SEMA3D: variants seen among roughly 807,000 people sequenced by gnomAD.
SEMA3D encodes the protein semaphorin-3D.
In SEMA3D, 84 loss-of-function variants were observed where a neutral mutation model predicts 100.1. The ratio of observed to expected loss-of-function variants is 0.84; its 90% CI spans 0.70 to 1.01. The LOEUF (loss-of-function observed/expected upper bound fraction) is 1.01, where lower values mean the gene tolerates loss of function less well. SEMA3D is among the 50% of genes least tolerant of loss of function. The probability of loss-of-function intolerance (pLI) is 0.00; values close to 1 mark genes in which losing one functional copy is unlikely to be tolerated. For synonymous variants in SEMA3D, 312 were observed against 320.7 expected (o/e 0.97, Z 0.29); for missense variants, 875 against 934.1 (o/e 0.94, Z 0.82).
At chr7:85,061,554 C>A (rs1562801530) in intron 8 of SEMA3D, among the ~76,000 whole-genome samples, 1 of 152,140 alleles carries the variant, frequency 6.6e-6, no homozygotes, top group Non-Finnish European at 1.5e-5. Context: ...CATCTGTATT[C>A]TCTCCCCTCC....
the SEMA3D span, among the ~76,000 whole-genome samples, chr7:85,223,924 A>G: frequency 1.3e-5 from 2 of 152,128 alleles, no homozygotes; most frequent in African/African-American, 2.4e-5. Flanking sequence ...CTAAGAAATA[A>G]TGCAAAGAAA....
At chr7:85,235,127 T>C in the SEMA3D span, among the ~76,000 whole-genome samples, 1 of 152,176 alleles carries the variant, frequency 6.6e-6, no homozygotes, top group Admixed American at 6.5e-5. Context: ...AAGAGAATAA[T>C]AGTGTTGGTG....
the SEMA3D span, among the ~76,000 whole-genome samples, chr7:85,237,100 A>T: frequency 6.6e-6 from 1 of 152,208 alleles, no homozygotes; most frequent in Non-Finnish European, 1.5e-5. Flanking sequence ...CTCATAATTA[A>T]GGGATTGAAT....
the SEMA3D span, among the ~76,000 whole-genome samples, chr7:85,202,562 A>G: frequency 3.9e-5 from 6 of 152,166 alleles, no homozygotes; most frequent in South Asian, 1.2e-3. Flanking sequence ...GCAACCTACA[A>G]AATGGGAGAA....
chr7:85,165,288 A>C (rs199659468), intron 1 of SEMA3D, among the ~76,000 whole-genome samples: 27,801 of 149,704 alleles, frequency 0.19, 2,751 homozygotes, highest in Non-Finnish European at 0.24. Context: ...AAAAAAAAAA[A>C]CTTCTAGAGT....
chr7:85,122,366 G>C (rs1327092848), intron 2 of SEMA3D, among the ~76,000 whole-genome samples: 1 of 152,066 alleles, frequency 6.6e-6, no homozygotes, highest in African/African-American at 2.4e-5. Flanking sequence ...AAATGAATCA[G>C]AACTGGGGAA....
intron 15 of SEMA3D, among the ~76,000 whole-genome samples, chr7:85,016,304 A>G (rs75309671): frequency 0.057 from 3,268 of 57,534 alleles, 133 homozygotes; most frequent in African/African-American, 0.17. Context: ...TGCTTTATTT[A>G]TTTACCTTTT....
the SEMA3D span, among the ~76,000 whole-genome samples, chr7:85,223,020 G>C: frequency 1.3e-5 from 2 of 151,968 alleles, no homozygotes; most frequent in African/African-American, 4.8e-5. Context: ...CCCAAAAGAA[G>C]ATATACAAAT....
chr7:85,062,333 G>A (rs1452571856), intron 8 of SEMA3D, among the ~76,000 whole-genome samples: 1 of 152,174 alleles, frequency 6.6e-6, no homozygotes, highest in African/African-American at 2.4e-5. Flanking sequence ...GGGGAGATCA[G>A]TTAGTAAACA....
chr7:85,040,844 C>T (rs374508991), intron 10 of SEMA3D, 102 bp from the exon 11 acceptor site: 58 of 629,434 alleles, frequency 9.2e-5, no homozygotes, highest in East Asian at 7.5e-4. Flanking sequence ...ACAGTTTATA[C>T]GATTAACAGA....
the SEMA3D span, among the ~76,000 whole-genome samples, chr7:85,217,444 T>C: frequency 6.6e-6 from 1 of 152,108 alleles, no homozygotes; most frequent in East Asian, 1.9e-4. Flanking sequence ...AAAACAGAGA[T>C]GGGAGAGTAT....
intron 12 of SEMA3D, chr7:85,028,253 T>C: frequency 1.4e-6 from 1 of 694,070 alleles, no homozygotes; most frequent in Non-Finnish European, 2.6e-6. Flanking sequence ...ACCAATGCTG[T>C]GGTCACAGTG....
At chr7:85,225,050 TTATA>T in the SEMA3D span, among the ~76,000 whole-genome samples, 958 of 76,264 alleles carry the variant, frequency 0.013, 3 homozygotes, top group East Asian at 0.022. Context: ...TGATTTTCTT[TTATA>T]TATATATATA....
At chr7:85,077,250 T>C (rs1049198218) in intron 5 of SEMA3D, among the ~76,000 whole-genome samples, 5 of 151,974 alleles carry the variant, frequency 3.3e-5, no homozygotes, top group African/African-American at 4.8e-5. Flanking sequence ...TCAGTTACGG[T>C]AAAAGTGCAA....
intron 9 of SEMA3D, among the ~76,000 whole-genome samples, chr7:85,049,314 G>A (rs760211125): frequency 3.0e-4 from 46 of 151,540 alleles, no homozygotes; most frequent in East Asian, 7.7e-4. Flanking sequence ...GTGATTTGCC[G>A]TTAATGACTA....
chr7:85,027,411 G>T (rs1435497341), intron 12 of SEMA3D, among the ~76,000 whole-genome samples: 2 of 151,972 alleles, frequency 1.3e-5, no homozygotes, highest in East Asian at 3.9e-4. Flanking sequence ...ATTTGCCATT[G>T]ATTTTCTCCA....
chr7:85,239,659 C>A, the SEMA3D span, among the ~76,000 whole-genome samples: 1 of 152,158 alleles, frequency 6.6e-6, no homozygotes, highest in Non-Finnish European at 1.5e-5. Flanking sequence ...TATGCTGGAA[C>A]TGTACTCACA....
upstream of SEMA3D, among the ~76,000 whole-genome samples, chr7:85,187,831 C>T (rs1413945515): frequency 6.6e-6 from 1 of 152,132 alleles, no homozygotes; most frequent in Non-Finnish European, 1.5e-5. Context: ...TTCATGAGGC[C>T]ACCGTCAGGG....
At chr7:85,146,843 G>A (rs1790219551) in intron 2 of SEMA3D, among the ~76,000 whole-genome samples, 1 of 151,852 alleles carries the variant, frequency 6.6e-6, no homozygotes, top group Non-Finnish European at 1.5e-5. Flanking sequence ...GCAGATTTGT[G>A]GGGATACTCA....
Sources: gnomAD v4.1 joint callset for allele counts (sites outside exome capture counted in the v4.1 genomes callset) on GRCh38, gnomAD v4.1.1 for gene constraint, MANE v1.5 for transcripts, NCBI Gene and HGNC (gene_info 2026-07-23, HGNC 2026-07-21) for gene names.